RANBP17: variants seen among roughly 807,000 people sequenced by gnomAD.
RANBP17 encodes the protein RAN binding protein 17, also known as ran-binding protein 17.
Under a neutral mutation model 141.2 loss-of-function variants are expected in RANBP17, and 158 were observed. The observed-to-expected ratio is 1.12, with a 90% CI of 0.98 to 1.28. The LOEUF (loss-of-function observed/expected upper bound fraction) is 1.28. Among genes scored for constraint, RANBP17 ranks in the 50% most tolerant of loss-of-function variants. The probability of loss-of-function intolerance (pLI) is 0.00; values close to 1 mark genes in which losing one functional copy is unlikely to be tolerated. For synonymous variants in RANBP17, 430 were observed against 450.0 expected (o/e 0.96, Z 0.56); for missense variants, 1,438 against 1,290.7 (o/e 1.11, Z -1.75).
chr5:171,221,605 G>T (rs577778617), intron 21 of RANBP17, among the ~76,000 whole-genome samples, 153 bp from the exon 22 acceptor site: 1 of 152,132 alleles, frequency 6.6e-6, no homozygotes, highest in Non-Finnish European at 1.5e-5. Context: ...ATTAGCATAC[G>T]TATTTTATCA....
At chr5:170,882,584 C>G (rs750374018) in intron 3 of RANBP17, among the ~76,000 whole-genome samples, 25 of 152,150 alleles carry the variant, frequency 1.6e-4, no homozygotes, top group Non-Finnish European at 3.4e-4. Flanking sequence ...CAAAGCTACT[C>G]TACCTGTTTA....
intron 14 of RANBP17, among the ~76,000 whole-genome samples, chr5:171,159,486 T>G (rs1326693762): frequency 1.3e-5 from 2 of 152,154 alleles, no homozygotes; most frequent in Non-Finnish European, 2.9e-5. Context: ...ATCAGTAATA[T>G]TATATTTATT....
intron 14 of RANBP17, among the ~76,000 whole-genome samples, chr5:171,113,951 C>A (rs184023814): frequency 7.2e-5 from 11 of 152,234 alleles, no homozygotes; most frequent in Admixed American, 6.5e-4. Context: ...TGTAAAACAG[C>A]ACCACTCTAA....
chr5:171,054,797 C>T (rs1188776193), intron 14 of RANBP17, among the ~76,000 whole-genome samples: 2 of 152,116 alleles, frequency 1.3e-5, no homozygotes, highest in Non-Finnish European at 2.9e-5. Flanking sequence ...CTCCCTTTTA[C>T]AAGGGAATCC....
chr5:170,930,430 C>T (rs981026973), intron 12 of RANBP17, among the ~76,000 whole-genome samples: 2 of 150,282 alleles, frequency 1.3e-5, no homozygotes, highest in Admixed American at 1.3e-4. Context: ...ATTTATTTTA[C>T]TTTAAGTTCT....
chr5:171,080,244 AACACACACACACAC>A (rs5873252), intron 14 of RANBP17, among the ~76,000 whole-genome samples: 2 of 147,796 alleles, frequency 1.4e-5, no homozygotes, highest in African/African-American at 2.5e-5. Flanking sequence ...ACACACACAA[AACACACACACACAC>A]ACACACACAC....
Position 171,290,485 on chromosome 5 carries a change from A to G in RANBP17, c.2944-3398A>G, listed in dbSNP as rs557456328. Among the ~76,000 whole-genome samples, 4 of 152,310 alleles carry G rather than the reference A, an allele frequency of 2.6e-5. No individual in the cohort carries two copies. In the South Asian group the frequency reaches 6.2e-4, roughly 24 times the overall value. ...CCATGTTAGGGTAGAAGAATAAGAG[A>G]AGAGTTGGGGAATGAACAGAGATAC... is the stretch of plus-strand genomic sequence containing the variant. On this transcript the variant is annotated intron_variant, in intron 25 of 27. Coordinates refer to ENST00000523189, the MANE Select transcript of RANBP17 (RefSeq NM_022897.5).
intron 14 of RANBP17, among the ~76,000 whole-genome samples, chr5:171,028,397 G>A (rs1354430057): frequency 6.6e-6 from 1 of 151,990 alleles, no homozygotes; most frequent in East Asian, 1.9e-4. Context: ...GACATATTAG[G>A]CACTGTTGTT....
intron 5 of RANBP17, among the ~76,000 whole-genome samples, chr5:170,906,390 TATTAGA>T (rs1251212362): frequency 1.3e-5 from 2 of 151,972 alleles, no homozygotes; most frequent in Non-Finnish European, 2.9e-5. Flanking sequence ...ATTTCCTCAT[TATTAGA>T]TTCAGCTTAT....
chr5:171,163,897 A>G (rs1406576917), intron 14 of RANBP17, among the ~76,000 whole-genome samples: 1 of 152,174 alleles, frequency 6.6e-6, no homozygotes, highest in Admixed American at 6.5e-5. Context: ...AGCCTGCTTA[A>G]ACAATGCACT....
chr5:170,974,602 A>G (rs1280699775), intron 14 of RANBP17, among the ~76,000 whole-genome samples: 1 of 151,928 alleles, frequency 6.6e-6, no homozygotes, highest in Non-Finnish European at 1.5e-5. Flanking sequence ...CATAGTGGGG[A>G]CTTTCTCTGG....
At chr5:171,175,992 G>T (rs991279367) in intron 16 of RANBP17, among the ~76,000 whole-genome samples, 1 of 151,972 alleles carries the variant, frequency 6.6e-6, no homozygotes, top group African/African-American at 2.4e-5. Flanking sequence ...CCATGAAGAG[G>T]CTCTTCTAGG....
At chr5:171,269,528 T>G (rs931144188) in intron 25 of RANBP17, among the ~76,000 whole-genome samples, 8 of 152,170 alleles carry the variant, frequency 5.3e-5, no homozygotes, top group Non-Finnish European at 8.8e-5. Context: ...GGGTTATTAT[T>G]AGCAGGGATG....
intron 18 of RANBP17, among the ~76,000 whole-genome samples, chr5:171,189,522 A>G (rs1419961078): frequency 2.0e-5 from 3 of 152,216 alleles, no homozygotes; most frequent in African/African-American, 7.2e-5. Flanking sequence ...ATGAATGACA[A>G]ACAAGTATAC....
chr5:171,006,235 C>G (rs540426173), intron 14 of RANBP17, among the ~76,000 whole-genome samples: 12 of 152,192 alleles, frequency 7.9e-5, no homozygotes, highest in Non-Finnish European at 1.2e-4. Flanking sequence ...ACCCAGCCAT[C>G]CCATTACTGG....
intron 12 of RANBP17, among the ~76,000 whole-genome samples, chr5:170,941,278 A>C (rs1228867117): frequency 6.6e-6 from 1 of 152,130 alleles, no homozygotes; most frequent in Non-Finnish European, 1.5e-5. Flanking sequence ...TAAAAAATAA[A>C]GATACAGTAG....
intron 14 of RANBP17, among the ~76,000 whole-genome samples, chr5:171,168,587 T>C (rs928972307): frequency 6.6e-6 from 1 of 152,150 alleles, no homozygotes; most frequent in Non-Finnish European, 1.5e-5. Context: ...TAGAGCCCTC[T>C]TTGTGCTTAA....
intron 14 of RANBP17, among the ~76,000 whole-genome samples, chr5:171,133,511 T>C (rs1176045239): frequency 6.6e-6 from 1 of 152,162 alleles, no homozygotes; most frequent in African/African-American, 2.4e-5. Flanking sequence ...TCCTAATTCT[T>C]TATAATTTAT....
intron 2 of RANBP17, among the ~76,000 whole-genome samples, chr5:170,881,447 A>G (rs1236151069): frequency 6.6e-6 from 1 of 152,226 alleles, no homozygotes; most frequent in Non-Finnish European, 1.5e-5. Context: ...AGCAAAGTCA[A>G]GAATGGAATC....
Sources: allele counts gnomAD v4.1 joint callset (sites outside exome capture counted in the v4.1 genomes callset), GRCh38; gene constraint gnomAD v4.1.1; transcripts MANE v1.5; gene names NCBI Gene and HGNC (gene_info 2026-07-23, HGNC 2026-07-21).